TMEM132D: variants seen among roughly 807,000 people sequenced by gnomAD.
TMEM132D encodes transmembrane protein 132D.
In TMEM132D, 21 loss-of-function variants were observed where a neutral mutation model predicts 62.3. The observed-to-expected ratio is 0.34, with a 90% CI of 0.24 to 0.49. The LOEUF is 0.49. TMEM132D is among the 20% of genes least tolerant of loss of function. The pLI, the probability that TMEM132D is intolerant of heterozygous loss-of-function variation, is 0.99. For synonymous variants in TMEM132D, 621 were observed against 575.6 expected (o/e 1.08, Z -1.13); for missense variants, 1,346 against 1,402.8 (o/e 0.96, Z 0.65).
chr12:129,390,859 A>C (rs370911943), intron 3 of TMEM132D, among the ~76,000 whole-genome samples: 2 of 152,140 alleles, frequency 1.3e-5, no homozygotes, highest in East Asian at 1.9e-4. Flanking sequence ...GCTCTATACT[A>C]TTGGTTGGAT....
chr12:129,097,343 C>T (rs568080417), intron 5 of TMEM132D, among the ~76,000 whole-genome samples: 1 of 152,340 alleles, frequency 6.6e-6, no homozygotes, highest in South Asian at 2.1e-4. Context: ...AGCCCCATGA[C>T]ACAGCTTTTA....
At chr12:129,298,929 A>G (rs1378951950) in intron 4 of TMEM132D, among the ~76,000 whole-genome samples, 1 of 152,218 alleles carries the variant, frequency 6.6e-6, no homozygotes. Flanking sequence ...ACGAGACTTA[A>G]AAGACACGGT....
intron 2 of TMEM132D, among the ~76,000 whole-genome samples, chr12:129,677,971 A>G (rs1422502915): frequency 2.0e-5 from 3 of 152,194 alleles, no homozygotes; most frequent in Non-Finnish European, 4.4e-5. Context: ...ATTATAATAC[A>G]GAGATTGCTC....
At chr12:129,654,572 C>T (rs910008670) in intron 2 of TMEM132D, among the ~76,000 whole-genome samples, 3 of 152,138 alleles carry the variant, frequency 2.0e-5, no homozygotes, top group Non-Finnish European at 2.9e-5. Context: ...TCTATGTTTA[C>T]ATTTACACTT....
At chr12:129,798,464 C>T (rs1871630158) in intron 1 of TMEM132D, among the ~76,000 whole-genome samples, 1 of 150,108 alleles carries the variant, frequency 6.7e-6, no homozygotes, top group Admixed American at 6.6e-5. Flanking sequence ...ACATATTATA[C>T]ATTTCTTTAA....
chr12:129,092,099 C>T (rs1483741671), intron 5 of TMEM132D, among the ~76,000 whole-genome samples: 1 of 152,126 alleles, frequency 6.6e-6, no homozygotes, highest in Non-Finnish European at 1.5e-5. Flanking sequence ...TCTTGAACCC[C>T]TTTCATAATC....
At chr12:129,286,955 C>T (rs145812931) in intron 4 of TMEM132D, among the ~76,000 whole-genome samples, 45 of 151,594 alleles carry the variant, frequency 3.0e-4, no homozygotes, top group East Asian at 1.2e-3. Context: ...GGCTGAGGCA[C>T]GAGCATCACT....
At chr12:129,679,060 C>T (rs1048775395) in intron 2 of TMEM132D, among the ~76,000 whole-genome samples, 18 of 151,720 alleles carry the variant, frequency 1.2e-4, no homozygotes, top group Non-Finnish European at 1.8e-4. Context: ...TCTTTAGTGT[C>T]GTATCCATTA....
At chr12:129,197,009 T>C (rs555415391) in intron 5 of TMEM132D, among the ~76,000 whole-genome samples, 2 of 152,240 alleles carry the variant, frequency 1.3e-5, no homozygotes, top group Non-Finnish European at 2.9e-5. Flanking sequence ...GTAGAGTCCA[T>C]GAGCAGAGAT....
chr12:129,680,126 C>G (rs1004438320), intron 2 of TMEM132D, among the ~76,000 whole-genome samples: 5 of 152,184 alleles, frequency 3.3e-5, no homozygotes, highest in Admixed American at 3.3e-4. Flanking sequence ...TGAGTTCACT[C>G]AACTCTGTGT....
intron 4 of TMEM132D, among the ~76,000 whole-genome samples, chr12:129,274,466 G>A (rs776674220): frequency 6.6e-6 from 1 of 152,160 alleles, no homozygotes; most frequent in Non-Finnish European, 1.5e-5. Flanking sequence ...TGCCCATATG[G>A]TCTCACAACC....
intron 4 of TMEM132D, among the ~76,000 whole-genome samples, chr12:129,229,945 T>C (rs949827335): frequency 6.6e-6 from 1 of 152,204 alleles, no homozygotes; most frequent in Non-Finnish European, 1.5e-5. Flanking sequence ...TTAAGTGCAT[T>C]TTCTTGCCTT....
At chr12:129,255,579 T>C (rs911881105) in intron 4 of TMEM132D, among the ~76,000 whole-genome samples, 1 of 152,226 alleles carries the variant, frequency 6.6e-6, no homozygotes, top group Admixed American at 6.5e-5. Flanking sequence ...TAAAACTACA[T>C]GGGACATTTT....
At chr12:129,651,144 T>C (rs1429960445) in intron 2 of TMEM132D, among the ~76,000 whole-genome samples, 1 of 152,230 alleles carries the variant, frequency 6.6e-6, no homozygotes, top group Non-Finnish European at 1.5e-5. Flanking sequence ...TCTGTGTGTG[T>C]ATGTGTGTTT....
chr12:129,825,771 G>A (rs1182174295), intron 1 of TMEM132D, among the ~76,000 whole-genome samples: 1 of 152,106 alleles, frequency 6.6e-6, no homozygotes, highest in Admixed American at 6.5e-5. Context: ...ACACTTTAAA[G>A]CGAGGGGTAT....
At chr12:129,476,248 G>A (rs752197439) in intron 3 of TMEM132D, among the ~76,000 whole-genome samples, 11 of 152,190 alleles carry the variant, frequency 7.2e-5, no homozygotes, top group Non-Finnish European at 1.6e-4. Flanking sequence ...ACGGTGGGAG[G>A]AAACATTCTG....
At chr12:129,334,186 T>A (rs945783128) in intron 4 of TMEM132D, among the ~76,000 whole-genome samples, 18 of 152,298 alleles carry the variant, frequency 1.2e-4, no homozygotes, top group African/African-American at 4.1e-4. Context: ...GCCTTTTAAA[T>A]AATGTTTGCC....
chr12:129,570,747 C>T (rs1877489611), intron 2 of TMEM132D, among the ~76,000 whole-genome samples: 1 of 152,154 alleles, frequency 6.6e-6, no homozygotes, highest in Non-Finnish European at 1.5e-5. Flanking sequence ...GGTTGTTATT[C>T]GTATTTATTT....
At chr12:129,227,509 T>G (rs991048842) in intron 4 of TMEM132D, among the ~76,000 whole-genome samples, 8 of 149,600 alleles carry the variant, frequency 5.3e-5, no homozygotes, top group African/African-American at 1.9e-4. Context: ...GCCAGTTTTA[T>G]TCTTAAGATT....
Sources: gnomAD v4.1 joint callset for allele counts (sites outside exome capture counted in the v4.1 genomes callset) on GRCh38, gnomAD v4.1.1 for gene constraint, MANE v1.5 for transcripts, NCBI Gene and HGNC (gene_info 2026-07-23, HGNC 2026-07-21) for gene names.